Variants in CPS1 observed in about 807,000 individuals in gnomAD.
CPS1 encodes the protein carbamoyl-phosphate synthase [ammonia], mitochondrial.
A neutral mutation model predicts 174.6 loss-of-function variants in CPS1; 109 were observed. That is an observed-to-expected ratio of 0.62 (90% CI 0.53 to 0.73). The LOEUF (loss-of-function observed/expected upper bound fraction) is 0.73, where lower values mean the gene tolerates loss of function less well. Ranked by LOEUF, CPS1 falls within the 30% of genes least tolerant of loss-of-function variation. The pLI is 0.00. For missense variants in CPS1, 1,689 were observed against 1,821.9 expected, an observed-to-expected ratio of 0.93 and a Z score of 1.33; for synonymous variants, 637 against 632.0, an observed-to-expected ratio of 1.01 and a Z score of -0.12.
At chr2:210,559,733 T>C (rs962299685) in intron 1 of CPS1, among the ~76,000 whole-genome samples, 1 of 152,176 alleles carries the variant, frequency 6.6e-6, no homozygotes, top group Non-Finnish European at 1.5e-5. Context: ...ACCCCTGTTA[T>C]GCATTTCCTA....
intron 1 of CPS1, among the ~76,000 whole-genome samples, chr2:210,569,214 A>G (rs1697400375): frequency 6.6e-6 from 1 of 152,048 alleles, no homozygotes; most frequent in Admixed American, 6.6e-5. Flanking sequence ...AAAAATCACT[A>G]GATGGTATGT....
intron 1 of CPS1, among the ~76,000 whole-genome samples, chr2:210,492,253 A>C (rs1210218601): frequency 1.3e-5 from 2 of 152,232 alleles, no homozygotes; most frequent in Non-Finnish European, 2.9e-5. Context: ...TTAATGACCC[A>C]AAACTTTCTG....
intron 21 of CPS1, among the ~76,000 whole-genome samples, chr2:210,623,857 G>GTGCTTA (rs1699615384): frequency 6.6e-6 from 1 of 152,034 alleles, no homozygotes; most frequent in South Asian, 2.1e-4. Context: ...AGAACGTTTT[G>GTGCTTA]TGCTTATGCT....
intron 1 of CPS1, among the ~76,000 whole-genome samples, chr2:210,501,581 G>A (rs183173266): frequency 2.5e-4 from 38 of 152,216 alleles, no homozygotes; most frequent in African/African-American, 6.3e-4. Flanking sequence ...TAGGGCAGGG[G>A]CAAAATACCA....
At chr2:210,634,842 A>G (rs1699994781) in intron 21 of CPS1, among the ~76,000 whole-genome samples, 1 of 152,196 alleles carries the variant, frequency 6.6e-6, no homozygotes, top group Non-Finnish European at 1.5e-5. Flanking sequence ...TTTCCTCAGT[A>G]TGTTTCCCAT....
intron 30 of CPS1, among the ~76,000 whole-genome samples, chr2:210,657,073 A>G (rs1700732779): frequency 6.6e-6 from 1 of 152,072 alleles, no homozygotes; most frequent in African/African-American, 2.4e-5. Context: ...CACACAGGTG[A>G]GCGGCATCTG....
intron 11 of CPS1, 134 bp downstream of exon 11, chr2:210,593,090 A>C (rs1698365989): frequency 3.6e-6 from 3 of 835,616 alleles, no homozygotes; most frequent in African/African-American, 1.7e-5. Flanking sequence ...GGTAACACAC[A>C]TTTTGTATTA....
rs1700427517 is a variant in CPS1, at chr2:210,647,850, G to A, written c.3142-13G>A. On this transcript the variant is annotated splice_polypyrimidine_tract_variant and intron_variant, in intron 25 of 37. Coordinates refer to ENST00000233072, the MANE Select transcript of CPS1 (RefSeq NM_001875.5). The stretch of plus-strand genomic sequence containing the variant: ...GTTATTCCAATGGCTGATATTGTGA[G>A]TGTATTTTCCAGGCATGTGGTGGCT... 6 of 1,613,760 alleles carry A rather than the reference G, an allele frequency of 3.7e-6. No individual in the cohort carries two copies. Among genetic ancestry groups the A allele is most frequent in the Non-Finnish European group, 5.1e-6 (6 of 1,179,764 alleles).
chr2:210,575,498 C>T (rs1697666325), intron 2 of CPS1, among the ~76,000 whole-genome samples: 1 of 140,310 alleles, frequency 7.1e-6, no homozygotes, highest in South Asian at 2.3e-4. Context: ...TGTGTATATA[C>T]ACACACGATA....
At position 210,524,884 on chromosome 2, in the gene CPS1, G is replaced by A. The variant is rs563174431; in HGVS notation, c.4-31835G>A. 9.9e-5 allele frequency among the ~76,000 whole-genome samples: 15 copies of A among 152,098 alleles called. No homozygotes were observed. The South Asian group carries it at 2.9e-3, about 29-fold the overall frequency. On this transcript the variant is annotated intron_variant, in intron 1 of 38. Transcript: ENST00000430249. ...GTGTTTCTTGTTTAAGTTGCTGAATGTACTTTTGTGTTGCTTGGAATCCAG... is the reference window on the plus strand; with the variant it reads ...GTGTTTCTTGTTTAAGTTGCTGAATATACTTTTGTGTTGCTTGGAATCCAG...
At chr2:210,553,772 A>G (rs969225787), upstream of CPS1, among the ~76,000 whole-genome samples, 1 of 152,010 alleles carries the variant, frequency 6.6e-6, no homozygotes, top group Non-Finnish European at 1.5e-5. Flanking sequence ...TGACTTTAAC[A>G]TTCCCTACCA....
intron 7 of CPS1, among the ~76,000 whole-genome samples, 165 bp from the exon 8 acceptor site, chr2:210,589,941 C>T (rs1698231233): frequency 6.6e-6 from 1 of 151,968 alleles, no homozygotes; most frequent in African/African-American, 2.4e-5. Context: ...GCATGAGCCA[C>T]CAAGCCCGGC....
intron 24 of CPS1, 84 bp from the exon 25 acceptor site, chr2:210,642,400 T>G (rs2105901411): frequency 6.7e-7 from 1 of 1,494,118 alleles, no homozygotes; most frequent in Non-Finnish European, 9.3e-7. Flanking sequence ...TAGCCTGGAC[T>G]GACTGGTGAT....
chr2:210,656,274 CTATTACTTATA>C (rs1395720888), intron 29 of CPS1, among the ~76,000 whole-genome samples: 2 of 152,062 alleles, frequency 1.3e-5, no homozygotes, highest in African/African-American at 2.4e-5. Flanking sequence ...TACTCTTTTC[CTATTACTTATA>C]CCCATGCTAA....
intron 1 of CPS1, among the ~76,000 whole-genome samples, chr2:210,485,988 T>C (rs1694704704): frequency 6.6e-6 from 1 of 151,736 alleles, no homozygotes; most frequent in South Asian, 2.1e-4. Flanking sequence ...TAGTATCGCA[T>C]TGTGATTTTA....
At chr2:210,481,452 T>C (rs1228582307) in intron 1 of CPS1, among the ~76,000 whole-genome samples, 1 of 152,190 alleles carries the variant, frequency 6.6e-6, no homozygotes, top group African/African-American at 2.4e-5. Flanking sequence ...AGTGGATTGT[T>C]TTTGCTTCCA....
chr2:210,616,905 A>G (rs1052983848), intron 21 of CPS1, among the ~76,000 whole-genome samples: 1 of 151,990 alleles, frequency 6.6e-6, no homozygotes, highest in Non-Finnish European at 1.5e-5. Flanking sequence ...TTTGTTTTCT[A>G]TAAATTTTCC....
At chr2:210,572,750 G>A (rs73073560) in intron 1 of CPS1, among the ~76,000 whole-genome samples, 3,825 of 152,100 alleles carry the variant, frequency 0.025, 160 homozygotes, top group African/African-American at 0.087. Context: ...TAAAGTTTCA[G>A]TTTCTTCATG....
At chr2:210,599,630 C>G in intron 14 of CPS1, 69 bp downstream of exon 14, 4 of 1,513,048 alleles carry the variant, frequency 2.6e-6, no homozygotes, top group Non-Finnish European at 3.7e-6. Flanking sequence ...TTTATTTGAG[C>G]TCATCTAACA....
Sources: allele counts gnomAD v4.1 joint callset (sites outside exome capture counted in the v4.1 genomes callset), GRCh38; gene constraint gnomAD v4.1.1; transcripts MANE v1.5; gene names NCBI Gene and HGNC (gene_info 2026-07-23, HGNC 2026-07-21).